Variants in SPOCK2 observed in about 807,000 individuals in gnomAD.
SPOCK2 encodes testican-2.
Under a neutral mutation model 60.1 loss-of-function variants are expected in SPOCK2, and 39 were observed. That is an observed-to-expected ratio of 0.65 (90% confidence interval 0.50 to 0.85). SPOCK2 has a LOEUF of 0.85. SPOCK2 is among the 40% of genes least tolerant of loss of function. The pLI is 0.00. For missense variants in SPOCK2, 523 were observed against 567.4 expected, an observed-to-expected ratio of 0.92 and a Z score of 0.80; for synonymous variants, 217 against 231.5, an observed-to-expected ratio of 0.94 and a Z score of 0.57.
chr10:72,083,538 T>C (rs1042338019), intron 1 of SPOCK2, among the ~76,000 whole-genome samples: 1 of 152,220 alleles, frequency 6.6e-6, no homozygotes, highest in Admixed American at 6.5e-5. Flanking sequence ...TCTGACCTTT[T>C]TGAGAAGGGG....
At chr10:72,077,080 C>T (rs533061258) in intron 1 of SPOCK2, among the ~76,000 whole-genome samples, 1 of 152,160 alleles carries the variant, frequency 6.6e-6, no homozygotes, top group Non-Finnish European at 1.5e-5. Flanking sequence ...TGTTGAGGAC[C>T]TCAGTGGTGA....
intron 1 of SPOCK2, among the ~76,000 whole-genome samples, chr10:72,082,238 G>A (rs528837482): frequency 2.6e-5 from 4 of 152,362 alleles, no homozygotes; most frequent in South Asian, 4.1e-4. Flanking sequence ...GCCCTTGGGC[G>A]GTCAGAGGCT....
At chr10:72,065,895 G>A (rs1840561274) in intron 8 of SPOCK2, among the ~76,000 whole-genome samples, 1 of 152,244 alleles carries the variant, frequency 6.6e-6, no homozygotes, top group South Asian at 2.1e-4. Flanking sequence ...TCCTGACGCA[G>A]ATGAAGAAGC....
Position 72,062,702 on chromosome 10 carries a change from T to C in SPOCK2, c.*58A>G. 4 of 1,549,734 alleles carry C rather than the reference T, an allele frequency of 2.6e-6. No individual in the cohort carries two copies. In the South Asian group the frequency reaches 4.7e-5, roughly 18 times the overall value. On this transcript the variant is annotated 3_prime_UTR_variant, in exon 11 of 11. Transcript: ENST00000373109. This position sits in a 1 kb window ranked among gnomAD's most constrained non-coding sequence, Gnocchi z 4.3. ...TTCTGGATCCGTTCTCGAAGTTGCC[T>C]GCTGCTGCTCAGAGCTCTGCTGTTG...
intron 5 of SPOCK2, 68 bp from the exon 6 acceptor site, chr10:72,068,369 C>T: frequency 6.9e-7 from 1 of 1,459,526 alleles, no homozygotes. Flanking sequence ...GCTGGGGACA[C>T]CCTCAAGCCT....
chr10:72,079,868 G>C (rs1215607132), intron 1 of SPOCK2, among the ~76,000 whole-genome samples: 2 of 152,018 alleles, frequency 1.3e-5, no homozygotes. Flanking sequence ...GCTTGGCCTT[G>C]CCACTGACTG....
Position 72,067,696 on chromosome 10 carries a change from T to C in SPOCK2, c.626A>G (p.Asp209Gly). ...GAGCTGGAACCAGTCCCGCAGCCGA[T>C]CTCCCAGGTCAGCCAGGTCCTGACC... is the stretch of plus-strand genomic sequence containing the variant. Reference protein sequence around the residue: ...CTGQDLADLGDRLRDWFQLLH... With the variant: ...CTGQDLADLGGRLRDWFQLLH... Residue 209 changes from aspartate to glycine, a missense_variant, in exon 7 of 11, where the codon GAT becomes GGT. Physicochemically the swap from Asp to Gly is moderately conservative, Grantham distance 94. Transcript: ENST00000373109. The C allele has an allele frequency of 3.7e-6, 6 of 1,613,772 alleles. No homozygotes were observed. The highest frequency in any genetic ancestry group is 1.7e-4 in the Middle Eastern group (1 of 6,056).
chr10:72,073,412 GCT>G (rs1306565329), intron 1 of SPOCK2, among the ~76,000 whole-genome samples: 3 of 152,238 alleles, frequency 2.0e-5, no homozygotes, highest in Non-Finnish European at 4.4e-5. Flanking sequence ...GCAAAGGGAT[GCT>G]TTTTGCTCAA....
chr10:72,067,179 C>T (rs1840582047), intron 7 of SPOCK2, 59 bp from the exon 8 acceptor site: 3 of 1,502,364 alleles, frequency 2.0e-6, no homozygotes, highest in Non-Finnish European at 1.8e-6. Context: ...TTCTCCAGCC[C>T]TCCATCTCTC....
At position 72,059,278 on chromosome 10, in the gene SPOCK2, T is replaced by C. The variant is rs1392310505; in HGVS notation, c.*3482A>G. On this transcript the variant is annotated 3_prime_UTR_variant, in exon 11 of 11. Transcript: ENST00000373109. ...CGCACACGCACACAGTCTAACACTTTGTTTTTCAATTTTTTAAAAGACATC... is the reference window on the plus strand; with the variant it reads ...CGCACACGCACACAGTCTAACACTTCGTTTTTCAATTTTTTAAAAGACATC... 1 of 152,678 alleles carries C rather than the reference T, an allele frequency of 6.5e-6. No homozygotes were observed. Among genetic ancestry groups the C allele is most frequent in the African/African-American group, 2.4e-5 (1 of 41,442 alleles). 9.5% of individuals were successfully genotyped at this position (152,678 alleles called of 1,614,324 possible). A position where few individuals can be genotyped will look rare whatever the true frequency, so the allele number is the denominator to read the frequency against.
chr10:72,072,372 T>G, intron 3 of SPOCK2, 114 bp from the exon 4 acceptor site: 3 of 1,485,194 alleles, frequency 2.0e-6, no homozygotes, highest in African/African-American at 1.4e-5. Flanking sequence ...CCAGAGCTCC[T>G]GAGCTCAGGA....
intron 9 of SPOCK2, among the ~76,000 whole-genome samples, chr10:72,063,734 AG>A (rs932869373): frequency 3.0e-4 from 46 of 152,262 alleles, no homozygotes; most frequent in African/African-American, 1.1e-3. Context: ...GAGGCCAGGG[AG>A]TGCATCCTTC....
intron 7 of SPOCK2, 51 bp downstream of exon 7, chr10:72,067,562 G>A (rs773028961): frequency 6.2e-7 from 1 of 1,605,910 alleles, no homozygotes; most frequent in Admixed American, 1.7e-5. Context: ...TGTGTCCTCA[G>A]CCCCTTCCCT....
rs1289569534 is a variant in SPOCK2, at chr10:72,067,084, G to T, written c.746C>A (p.Ser249Tyr). The change falls in exon 8 of 11, where the codon TCC becomes TAC. Residue 249 changes from serine to tyrosine, a missense_variant. Transcript: ENST00000373109. ...CAGCTTGGAGAACATCCAGCCAATG[G>T]AGTCCTTGCAGCTGGCCCCCAGGCT... ...DKSLGASCKD[S>Y]IGWMFSKLDT... 1 of 1,614,178 alleles carries T rather than the reference G, an allele frequency of 6.2e-7. No individual in the cohort carries two copies. Among genetic ancestry groups the T allele is most frequent in the Non-Finnish European group, 8.5e-7 (1 of 1,180,048 alleles).
chr10:72,075,945 C>A (rs1840710044), intron 1 of SPOCK2, among the ~76,000 whole-genome samples: 1 of 152,186 alleles, frequency 6.6e-6, no homozygotes, highest in Non-Finnish European at 1.5e-5. Context: ...GCCTATCTCC[C>A]AGGACTACTC....
intron 1 of SPOCK2, among the ~76,000 whole-genome samples, chr10:72,077,849 C>T (rs1011490780): frequency 2.6e-5 from 4 of 152,274 alleles, no homozygotes; most frequent in East Asian, 1.9e-4. Context: ...GAATCCCTCT[C>T]GCTTGCCCTC....
intron 4 of SPOCK2, among the ~76,000 whole-genome samples, chr10:72,071,033 G>A (rs1272480602): frequency 4.6e-5 from 7 of 152,020 alleles, no homozygotes; most frequent in South Asian, 2.1e-4. Context: ...TTACATTACC[G>A]GCCATGCCCC....
intron 4 of SPOCK2, 40 bp downstream of exon 4, chr10:72,072,104 C>A: frequency 2.8e-6 from 4 of 1,435,410 alleles, no homozygotes; most frequent in Non-Finnish European, 3.7e-6. Context: ...GCTCTTTGAA[C>A]ACACCCCCTC....
In SPOCK2 at chr10:72,067,081, A is replaced by G. The variant is rs776479851; in HGVS notation, c.749T>C (p.Ile250Thr). 1.9e-6 allele frequency: 3 copies of G among 1,614,194 alleles called. No homozygotes were observed. Among genetic ancestry groups the G allele is most frequent in the South Asian group, 1.1e-5 (1 of 91,084 alleles). Residue 250 changes from isoleucine to threonine, a missense_variant, in exon 8 of 11, where the codon ATT becomes ACT. Coordinates refer to ENST00000373109, the MANE Select transcript of SPOCK2 (RefSeq NM_001244950.2). ...KSLGASCKDS[I>T]GWMFSKLDTS... The stretch of plus-strand genomic sequence containing the variant: ...GTCCAGCTTGGAGAACATCCAGCCA[A>G]TGGAGTCCTTGCAGCTGGCCCCCAG...
Sources: allele counts gnomAD v4.1 joint callset (sites outside exome capture counted in the v4.1 genomes callset), GRCh38; gene constraint gnomAD v4.1.1; non-coding constraint Gnocchi (gnomAD v3.1); transcripts MANE v1.5; gene names NCBI Gene and HGNC (gene_info 2026-07-23, HGNC 2026-07-21).